Variants in ZNF506 observed in about 807,000 individuals in gnomAD.
ZNF506 encodes zinc finger protein 506.
Under a neutral mutation model 11.6 loss-of-function variants are expected in ZNF506, and 10 were observed. The observed-to-expected ratio is 0.86, with a 90% CI of 0.53 to 1.46. The LOEUF is 1.46. ZNF506 is among the 40% of genes most tolerant of loss of function. The probability of loss-of-function intolerance (pLI) is 0.00; values close to 1 mark genes in which losing one functional copy is unlikely to be tolerated. For synonymous variants in ZNF506, 156 were observed against 173.3 expected (o/e 0.90, Z 0.78); for missense variants, 425 against 521.2 (o/e 0.82, Z 1.80).
chr19:19,820,530 T>TA (rs1328616296), intron 1 of ZNF506: 2 of 152,120 alleles, frequency 1.3e-5, no homozygotes, highest in African/African-American at 4.8e-5. Flanking sequence ...CCATCTCTAC[T>TA]AAAAATACAA....
intron 3 of ZNF506, among the ~76,000 whole-genome samples, chr19:19,802,456 GAAGAA>G (rs1056736460): frequency 5.9e-5 from 9 of 151,846 alleles, no homozygotes; most frequent in Admixed American, 5.2e-4. Flanking sequence ...TCCAACTTTA[GAAGAA>G]AAGAATAGAC....
chr19:19,801,627 C>A (rs2062793741), intron 3 of ZNF506, among the ~76,000 whole-genome samples: 1 of 151,802 alleles, frequency 6.6e-6, no homozygotes, highest in South Asian at 2.1e-4. Context: ...CCCATCTCGA[C>A]TAAAAATACA....
intron 1 of ZNF506, among the ~76,000 whole-genome samples, chr19:19,810,931 T>C (rs562920104): frequency 1.3e-5 from 2 of 152,130 alleles, no homozygotes; most frequent in Non-Finnish European, 1.5e-5. Flanking sequence ...CAGAACTAAA[T>C]AGTCTCCAAA....
chr19:19,811,395 T>C lies in ZNF506; in HGVS notation c.4-4327A>G, dbSNP rs1268955393. ...GGCTAGTCTCAAACTCCTGACCTCATGATTCGCCTGCCTTGACCTCTCAAG... is the reference window on the plus strand; with the variant it reads ...GGCTAGTCTCAAACTCCTGACCTCACGATTCGCCTGCCTTGACCTCTCAAG... On this transcript the variant is annotated intron_variant, in intron 1 of 3. Transcript: ENST00000540806. Among the ~76,000 whole-genome samples, 4 of 152,182 alleles carry C rather than the reference T, an allele frequency of 2.6e-5. No individual in the cohort carries two copies. The South Asian group carries it at 6.2e-4, about 24-fold the overall frequency.
Position 19,821,715 on chromosome 19 carries a change from A to ACTAT in ZNF506, c.-113_-112insATAG. On this transcript the variant is annotated 5_prime_UTR_variant, in exon 1 of 4. Transcript: ENST00000540806. ...GAGCTGACGGCACAGAGCAGTGAAG[A>ACTAT]CGATAGCTGGATCTCTGGCGTCAGC... 1 of 1,380,072 alleles carries ACTAT rather than the reference A, an allele frequency of 7.2e-7. No homozygotes were observed. Among genetic ancestry groups the ACTAT allele is most frequent in the Non-Finnish European group, 1.0e-6 (1 of 971,522 alleles). 85.5% of individuals were successfully genotyped at this position (1,380,072 alleles called of 1,614,324 possible).
At chr19:19,807,172 T>A (rs545878270) in intron 1 of ZNF506, 104 bp from the exon 2 acceptor site, 1 of 1,552,194 alleles carries the variant, frequency 6.4e-7, no homozygotes, top group Non-Finnish European at 8.7e-7. Context: ...TTCTGACTTA[T>A]AGGACTAAAA....
At position 19,807,004 on chromosome 19, in the gene ZNF506, G is replaced by C. The variant is rs1191913539; in HGVS notation, c.68C>G (p.Ala23Gly). 3 of 1,614,076 alleles carry C rather than the reference G, an allele frequency of 1.9e-6. No homozygotes were observed. Among genetic ancestry groups the C allele is most frequent in the Non-Finnish European group, 2.5e-6 (3 of 1,179,988 alleles). Residue 23 changes from alanine (A) to glycine (G), a missense_variant, in exon 2 of 4, where the codon GCT (alanine) becomes GGT (glycine). Transcript: ENST00000540806. ...ATCCCTATATAGATTCCGCTGTGCAGCGTCCAGGCAATGCCACTCCTCCAG... is the reference window on the plus strand; with the variant it reads ...ATCCCTATATAGATTCCGCTGTGCACCGTCCAGGCAATGCCACTCCTCCAG... Reference protein sequence around the residue: ...FSLEEWHCLDAAQRNLYRDVM... With the variant: ...FSLEEWHCLDGAQRNLYRDVM...
chr19:19,799,438 C>G, intron 3 of ZNF506: 1 of 676,952 alleles, frequency 1.5e-6, no homozygotes, highest in Non-Finnish European at 2.7e-6. Flanking sequence ...AAACATTCCT[C>G]TTTATAGACC....
chr19:19,816,200 T>C (rs2062929817), intron 1 of ZNF506, among the ~76,000 whole-genome samples: 1 of 151,950 alleles, frequency 6.6e-6, no homozygotes, highest in South Asian at 2.1e-4. Context: ...CTTTTTTTTT[T>C]TGAGCCAGAG....
In ZNF506 at chr19:19,807,049, T is replaced by G; in HGVS notation, c.23A>C (p.Asp8Ala). 1 of 1,613,930 alleles carries G rather than the reference T, an allele frequency of 6.2e-7. No individual in the cohort carries two copies. Among genetic ancestry groups the G allele is most frequent in the Non-Finnish European group, 8.5e-7 (1 of 1,179,948 alleles). The change falls in exon 2 of 4, where the codon GAT (aspartate) becomes GCT (alanine). Residue 8 changes from aspartate to alanine, a missense_variant. Physicochemically the swap from Asp to Ala is moderately radical, Grantham distance 126. Around this residue, in one of 3 missense-constraint regions of ZNF506, gnomAD observed 226 missense variants for 279.1 expected, o/e 0.81. Transcript: ENST00000540806. MGPLQFR[D>A]VAIEFSLEEW... ...CTCCAGAGAGAATTCTATGGCCACA[T>G]CTCTAAATTGCAATGGTCCCTGAAA...
Position 19,794,841 on chromosome 19 carries a change from G to GT in ZNF506, c.1045dup (p.Thr349AsnfsTer10). 2 of 1,613,700 alleles carry GT rather than the reference G, an allele frequency of 1.2e-6. No homozygotes were observed. The highest frequency in any genetic ancestry group is 2.2e-5 in the South Asian group (2 of 91,060). On this transcript the variant is annotated frameshift_variant, in exon 4 of 4. Coordinates refer to ENST00000540806, the MANE Select transcript of ZNF506 (RefSeq NM_001099269.3). LOFTEE classifies it low-confidence loss of function (END_TRUNC). Reference sequence around the variant, plus strand: ...AGAGAGGCTTGAGTACCAGGTAAAGGTTTTGCCACATTCGTCACATTTGTA... The same window carrying GT: ...AGAGAGGCTTGAGTACCAGGTAAAGGTTTTTGCCACATTCGTCACATTTGTA...
intron 1 of ZNF506, among the ~76,000 whole-genome samples, chr19:19,811,589 G>T (rs2062883429): frequency 6.6e-6 from 1 of 152,238 alleles, no homozygotes; most frequent in Admixed American, 6.5e-5. Context: ...GGATCGCGAG[G>T]TCAGGAGTTC....
chr19:19,821,522 T>TGCCACA (rs1021420608), intron 1 of ZNF506, 79 bp downstream of exon 1: 71 of 1,599,502 alleles, frequency 4.4e-5, no homozygotes, highest in East Asian at 1.3e-4. Flanking sequence ...GTTCTGCCAC[T>TGCCACA]GCCACAGCCA....
intron 1 of ZNF506, among the ~76,000 whole-genome samples, chr19:19,817,801 G>A (rs1033291585): frequency 2.7e-5 from 4 of 146,432 alleles, no homozygotes; most frequent in African/African-American, 1.0e-4. Flanking sequence ...CAAACACAGT[G>A]TTTACGTAAG....
intron 1 of ZNF506, among the ~76,000 whole-genome samples, chr19:19,821,234 A>G (rs979406258): frequency 1.3e-5 from 2 of 152,116 alleles, no homozygotes; most frequent in African/African-American, 4.8e-5. Flanking sequence ...AGAAACTGTG[A>G]ACCCCACGAA....
intron 1 of ZNF506, 27 bp downstream of exon 1, chr19:19,821,574 C>T (rs1485014406): frequency 6.2e-7 from 1 of 1,614,040 alleles, no homozygotes; most frequent in Non-Finnish European, 8.5e-7. Flanking sequence ...CTCTCCCTCT[C>T]TCGGGATGTC....
chr19:19,794,699 C>A lies in ZNF506; in HGVS notation c.1188G>T (p.Pro396=), dbSNP rs776025114. 3.1e-6 allele frequency: 5 copies of A among 1,612,338 alleles called. No homozygotes were observed. The highest frequency in any genetic ancestry group is 4.2e-6 in the Non-Finnish European group (5 of 1,179,412). ...EHKIIHTGEK[P]YKCEECGKAF... ...CTTTGCCACATTCTTCACATTTGTA[C>A]GGTTTCTCTCCAGTATGAATTATCT... The change falls in exon 4 of 4, where the codon CCG becomes CCT. Residue 396 remains proline (P), a synonymous_variant. Transcript: ENST00000540806.
intron 3 of ZNF506, among the ~76,000 whole-genome samples, chr19:19,804,001 C>T (rs879742688): frequency 1.3e-4 from 20 of 152,002 alleles, no homozygotes; most frequent in Non-Finnish European, 2.4e-4. Flanking sequence ...TCAATTTTGT[C>T]AATTTTGTCC....
chr19:19,821,344 C>T (rs1187397437), intron 1 of ZNF506, among the ~76,000 whole-genome samples: 2 of 152,224 alleles, frequency 1.3e-5, no homozygotes, highest in Admixed American at 1.3e-4. Flanking sequence ...CCTGTGGGTG[C>T]AGAGCTGCCC....
Sources: gnomAD v4.1 joint callset for allele counts (sites outside exome capture counted in the v4.1 genomes callset) on GRCh38, gnomAD v4.1.1 for gene constraint, gnomAD v4.1.1 regional missense constraint, MANE v1.5 for transcripts, NCBI Gene and HGNC (gene_info 2026-07-23, HGNC 2026-07-21) for gene names.